Variants in CSF2RA observed in about 807,000 individuals in gnomAD.
CSF2RA encodes granulocyte-macrophage colony-stimulating factor receptor subunit alpha.
In CSF2RA, 42 loss-of-function variants were observed where a neutral mutation model predicts 51.6. The observed-to-expected ratio is 0.81, with a 90% confidence interval of 0.64 to 1.05. The LOEUF (loss-of-function observed/expected upper bound fraction) is 1.05. Ranked by LOEUF, CSF2RA falls within the 50% of genes least tolerant of loss-of-function variation. The pLI, the probability that CSF2RA is intolerant of heterozygous loss-of-function variation, is 0.00. For missense variants in CSF2RA, 530 were observed against 501.1 expected, an observed-to-expected ratio of 1.06 and a Z score of -0.55; for synonymous variants, 222 against 193.0, an observed-to-expected ratio of 1.15 and a Z score of -1.24.
intron 1 of CSF2RA, among the ~76,000 whole-genome samples, chrX:1,269,689 T>C (rs1332808171): frequency 6.8e-6 from 1 of 146,270 alleles, no homozygotes; most frequent in African/African-American, 2.5e-5. Flanking sequence ...GGGGAGGGAG[T>C]GTGATGGTGT....
At chrX:1,324,366 GGAAAGAAAGA>G in the CSF2RA span, among the ~76,000 whole-genome samples, 1 of 129,908 alleles carries the variant, frequency 7.7e-6, no homozygotes, top group Non-Finnish European at 1.6e-5. Flanking sequence ...AAAAGAGAAA[GGAAAGAAAGA>G]GAAAGAAAGA....
intron 1 of CSF2RA, among the ~76,000 whole-genome samples, chrX:1,270,022 T>A (rs1485814336): frequency 1.3e-5 from 2 of 151,800 alleles, no homozygotes; most frequent in East Asian, 1.9e-4. Flanking sequence ...GGCAGGAGAA[T>A]CGCTTGAACC....
chrX:1,313,805 A>G (rs1309546718), downstream of CSF2RA, among the ~76,000 whole-genome samples: 1 of 151,880 alleles, frequency 6.6e-6, no homozygotes, highest in Non-Finnish European at 1.5e-5. Flanking sequence ...CCTGGCTAAC[A>G]TGGTGAAACT....
intron 10 of CSF2RA, 43 bp downstream of exon 10, chrX:1,300,669 G>A (rs2092308563): frequency 1.2e-6 from 2 of 1,613,590 alleles, no homozygotes. Flanking sequence ...GCCGTCTGCG[G>A]CCACCCTGCA....
chrX:1,280,461 A>G (rs1433703460), intron 2 of CSF2RA, among the ~76,000 whole-genome samples: 24 of 143,784 alleles, frequency 1.7e-4, no homozygotes, highest in East Asian at 6.3e-4. Context: ...ACAAGAGTGA[A>G]ACTCCGTCTC....
At chrX:1,315,760 T>C in the CSF2RA span, among the ~76,000 whole-genome samples, 1 of 147,184 alleles carries the variant, frequency 6.8e-6, no homozygotes, top group Non-Finnish European at 1.5e-5. Context: ...AGAAAATAGA[T>C]AAAATAGATA....
chrX:1,296,271 T>G (rs1385875202), intron 9 of CSF2RA, among the ~76,000 whole-genome samples: 2 of 132,806 alleles, frequency 1.5e-5, no homozygotes, highest in African/African-American at 5.8e-5. Flanking sequence ...CCCTACAGTC[T>G]CCTACCCATG....
chrX:1,315,247 AAAATAGATGATAT>A (rs2084525564), downstream of CSF2RA, among the ~76,000 whole-genome samples: 1 of 152,118 alleles, frequency 6.6e-6, no homozygotes, highest in Non-Finnish European at 1.5e-5. Flanking sequence ...AGAAATTTAA[AAAATAGATGATAT>A]ATATAGAAGA....
downstream of CSF2RA, among the ~76,000 whole-genome samples, chrX:1,314,399 T>G (rs1354429044): frequency 6.8e-6 from 1 of 148,110 alleles, no homozygotes; most frequent in African/African-American, 2.5e-5. Context: ...CCAACCACAC[T>G]GCACCTGCCT....
At chrX:1,316,826 C>T in the CSF2RA span, among the ~76,000 whole-genome samples, 2 of 152,246 alleles carry the variant, frequency 1.3e-5, no homozygotes, top group African/African-American at 2.4e-5. Flanking sequence ...CAGCAGCCGA[C>T]GCCCCAGACA....
intron 2 of CSF2RA, among the ~76,000 whole-genome samples, chrX:1,276,970 A>G (rs1409441870): frequency 9.2e-5 from 14 of 151,628 alleles, no homozygotes; most frequent in African/African-American, 3.1e-4. Flanking sequence ...GTGGTGGTGC[A>G]TGCCTGTAAT....
downstream of CSF2RA, among the ~76,000 whole-genome samples, chrX:1,313,699 G>A (rs141750568): frequency 1.8e-3 from 278 of 152,026 alleles, 1 homozygote; most frequent in African/African-American, 6.6e-3. Context: ...GTGACAGAGA[G>A]GAGCTGTGGC....
intron 4 of CSF2RA, among the ~76,000 whole-genome samples, chrX:1,286,296 T>C (rs1166738406): frequency 2.2e-5 from 3 of 139,004 alleles, no homozygotes; most frequent in African/African-American, 8.1e-5. Context: ...AGGCCGGGTG[T>C]GGTGGCTCAC....
chrX:1,279,454 C>T lies in CSF2RA; in HGVS notation c.-26-3224C>T, dbSNP rs1359784208. On this transcript the variant is annotated intron_variant, in intron 2 of 12. Transcript: ENST00000381529. ...AGCAGAGGGGGCCAGTCTCAAGGAA[C>T]AGGACTTCTACACCTGTTACCACCA... Among the ~76,000 whole-genome samples, 5 of 152,058 alleles carry T rather than the reference C, an allele frequency of 3.3e-5. No individual in the cohort carries two copies. The East Asian group carries it at 7.7e-4, about 23-fold the overall frequency.
intron 4 of CSF2RA, chrX:1,287,152 T>C (rs1213533754): frequency 5.5e-5 from 8 of 145,490 alleles, no homozygotes; most frequent in African/African-American, 1.9e-4. Flanking sequence ...ACATACTTTT[T>C]TTTTTTTTTT....
chrX:1,324,101 C>G, the CSF2RA span, among the ~76,000 whole-genome samples: 3 of 151,908 alleles, frequency 2.0e-5, no homozygotes, highest in Non-Finnish European at 4.4e-5. Flanking sequence ...GGGAGGATCA[C>G]TTGAGTCTGT....
At chrX:1,279,179 C>T (rs770700160) in intron 2 of CSF2RA, among the ~76,000 whole-genome samples, 26 of 149,768 alleles carry the variant, frequency 1.7e-4, no homozygotes, top group Non-Finnish European at 3.3e-4. Context: ...GGTGAAACCC[C>T]GTCTCTACTA....
Position 1,288,852 on chromosome X carries a change from G to A in CSF2RA, c.437G>A (p.Arg146His), listed in dbSNP as rs759083963. The A allele has an allele frequency of 2.3e-5, 37 of 1,613,730 alleles. No individual in the cohort carries two copies. Among genetic ancestry groups the A allele is most frequent in the Middle Eastern group, 1.7e-4 (1 of 6,050 alleles). The change falls in exon 6 of 13, where the codon CGT (arginine) becomes CAT (histidine). Residue 146 changes from arginine to histidine, a missense_variant. Transcript: ENST00000381529. ...TGGGCGAGGGGTCCGACGGCCCCCCGTGACGTCCAGTATTTTTTGTACATA... is the reference window on the plus strand; with the variant it reads ...TGGGCGAGGGGTCCGACGGCCCCCCATGACGTCCAGTATTTTTTGTACATA... ...CTWARGPTAP[R>H]DVQYFLYIRN...
Position 1,285,113 on chromosome X carries a change from G to A in CSF2RA, c.77-665G>A, listed in dbSNP as rs549734617. On this transcript the variant is annotated intron_variant, in intron 3 of 12. Coordinates refer to ENST00000381529, the MANE Select transcript of CSF2RA (RefSeq NM_172245.4). The stretch of plus-strand genomic sequence containing the variant: ...TGCGATCTTGCTATGTTGCCCAGGC[G>A]GGATCTGAACCTACTGGGCTCAAGT... Among the ~76,000 whole-genome samples, 76 of 151,936 alleles carry A rather than the reference G, an allele frequency of 5.0e-4. No homozygotes were observed. The South Asian group carries it at 0.011, about 22-fold the overall frequency.
Sources: allele counts gnomAD v4.1 joint callset (sites outside exome capture counted in the v4.1 genomes callset), GRCh38; gene constraint gnomAD v4.1.1; transcripts MANE v1.5; gene names NCBI Gene and HGNC (gene_info 2026-07-23, HGNC 2026-07-21).